Variants in PRKG1 observed in about 807,000 individuals in gnomAD.
The protein encoded by PRKG1 is protein kinase cGMP-dependent 1, also known as cGMP-dependent protein kinase 1.
PRKG1 carries 35 observed loss-of-function variants against 88.1 expected under a neutral mutation model. The ratio of observed to expected loss-of-function variants is 0.40; its 90% CI spans 0.30 to 0.53. The LOEUF (loss-of-function observed/expected upper bound fraction) is 0.53. Among genes scored for constraint, PRKG1 ranks in the 20% least tolerant of loss-of-function variants. The probability of loss-of-function intolerance (pLI) is 0.59; values close to 1 mark genes in which losing one functional copy is unlikely to be tolerated. For synonymous variants in PRKG1, 303 were observed against 292.5 expected, an observed-to-expected ratio of 1.04 and a Z score of -0.37; for missense variants, 540 against 839.8, an observed-to-expected ratio of 0.64 and a Z score of 4.41.
rs559323583 is a variant in PRKG1, at chr10:51,344,101, G to T, written c.479-123622G>T. 1.7e-3 allele frequency among the ~76,000 whole-genome samples: 261 copies of T among 152,266 alleles called. 2 individuals carry two copies. Among genetic ancestry groups the T allele is most frequent in the African/African-American group, 6.0e-3 (251 of 41,544 alleles). ...ACTGGGTAATTTATAAAGAAAAGAGGTTTAACTTGCTCATGGTTCTGCAGG... is the reference window on the plus strand; with the variant it reads ...ACTGGGTAATTTATAAAGAAAAGAGTTTTAACTTGCTCATGGTTCTGCAGG... On this transcript the variant is annotated intron_variant, in intron 2 of 17. Coordinates refer to ENST00000373980, the MANE Select transcript of PRKG1 (RefSeq NM_006258.4).
At chr10:52,220,261 G>A (rs1394338051) in intron 9 of PRKG1, among the ~76,000 whole-genome samples, 2 of 152,074 alleles carry the variant, frequency 1.3e-5, no homozygotes, top group Non-Finnish European at 2.9e-5. Context: ...CTATCATGAA[G>A]ACACTTAGGC....
chr10:51,720,715 A>C (rs1307861538), intron 3 of PRKG1, among the ~76,000 whole-genome samples: 1 of 152,220 alleles, frequency 6.6e-6, no homozygotes, highest in Admixed American at 6.5e-5. Context: ...AAAATTAGCA[A>C]GTGACACAGC....
At chr10:51,300,567 G>A (rs898642118) in intron 2 of PRKG1, among the ~76,000 whole-genome samples, 2 of 152,162 alleles carry the variant, frequency 1.3e-5, no homozygotes, top group African/African-American at 2.4e-5. Flanking sequence ...TTACTCTTGA[G>A]TGTGGTTTAC....
chr10:51,782,586 T>C (rs908298510), intron 3 of PRKG1, among the ~76,000 whole-genome samples: 2 of 152,122 alleles, frequency 1.3e-5, no homozygotes, highest in Non-Finnish European at 2.9e-5. Context: ...TCAAATCTCA[T>C]CTTGAATTGT....
At chr10:52,054,394 A>G (rs1257076769) in intron 5 of PRKG1, 90 bp from the exon 6 acceptor site, 11 of 890,716 alleles carry the variant, frequency 1.2e-5, no homozygotes, top group African/African-American at 5.0e-5. Context: ...TAGGATGAAT[A>G]TATCCCTGGG....
intron 2 of PRKG1, among the ~76,000 whole-genome samples, chr10:51,357,234 T>C (rs889876011): frequency 3.3e-5 from 5 of 152,014 alleles, no homozygotes; most frequent in African/African-American, 1.2e-4. Context: ...CTTAGCAGTC[T>C]CTTTCTGAGG....
In PRKG1 at chr10:51,479,711, G is replaced by T. The variant is rs569420792; in HGVS notation, c.592+11875G>T. Among the ~76,000 whole-genome samples, 16 of 152,080 alleles carry T rather than the reference G, an allele frequency of 1.1e-4. No individual in the cohort carries two copies. In the South Asian group the frequency reaches 3.3e-3, roughly 32 times the overall value. On this transcript the variant is annotated intron_variant, in intron 3 of 17. Transcript: ENST00000373980. ...TGTATTGATGTTTCATGAATACTTT[G>T]AATTGGAAGCTGTTATGCATGCCCT...
chr10:51,415,910 A>AAT (rs1554806516), intron 2 of PRKG1, among the ~76,000 whole-genome samples: 1 of 147,128 alleles, frequency 6.8e-6, no homozygotes, highest in Non-Finnish European at 1.5e-5. Context: ...TAGAGCTTCC[A>AAT]GTGTGTGTGT....
chr10:52,199,387 C>G (rs780982701), intron 9 of PRKG1, among the ~76,000 whole-genome samples: 20 of 152,132 alleles, frequency 1.3e-4, no homozygotes, highest in Non-Finnish European at 2.2e-4. Flanking sequence ...ACTCAAAGAT[C>G]ATACTTGCTA....
intron 4 of PRKG1, among the ~76,000 whole-genome samples, chr10:51,811,177 C>A (rs921978319): frequency 6.6e-6 from 1 of 152,164 alleles, no homozygotes; most frequent in African/African-American, 2.4e-5. Context: ...CTGATGGCAG[C>A]TCCCTACTAC....
chr10:51,387,026 T>G (rs1361373099), intron 2 of PRKG1, among the ~76,000 whole-genome samples: 1 of 152,184 alleles, frequency 6.6e-6, no homozygotes, highest in East Asian at 1.9e-4. Flanking sequence ...ATTTAAAAAA[T>G]AATACATATT....
At chr10:51,660,161 T>G (rs947958479) in intron 3 of PRKG1, among the ~76,000 whole-genome samples, 8 of 150,138 alleles carry the variant, frequency 5.3e-5, no homozygotes, top group African/African-American at 2.0e-4. Flanking sequence ...CAGAGATGGT[T>G]TCTGGGATCA....
chr10:51,569,463 T>C (rs947646354), intron 3 of PRKG1, among the ~76,000 whole-genome samples: 19 of 152,178 alleles, frequency 1.2e-4, no homozygotes, highest in African/African-American at 4.3e-4. Flanking sequence ...GGTTAAATAA[T>C]GAACTATAAT....
intron 9 of PRKG1, among the ~76,000 whole-genome samples, chr10:52,239,887 C>T (rs977141183): frequency 6.6e-6 from 1 of 152,088 alleles, no homozygotes; most frequent in African/African-American, 2.4e-5. Flanking sequence ...CTCTTCACTC[C>T]TGTGATTTGT....
At chr10:51,868,658 TG>T (rs1841079736) in intron 4 of PRKG1, among the ~76,000 whole-genome samples, 1 of 152,076 alleles carries the variant, frequency 6.6e-6, no homozygotes, top group Admixed American at 6.6e-5. Context: ...GATTCTTCTT[TG>T]TGCCAACATA....
At position 52,133,909 on chromosome 10, in the gene PRKG1, A is replaced by G; in HGVS notation, c.1001+4A>G. On this transcript the variant is annotated splice_donor_region_variant and intron_variant, in intron 8 of 17. Transcript: ENST00000373980. The stretch of plus-strand genomic sequence containing the variant: ...CCTGCCTTGTGATTGACAGAGAGTA[A>G]GTACATTGTTTTATTATGTGAATTA... The G allele has an allele frequency of 6.2e-7, 1 of 1,610,944 alleles. No individual in the cohort carries two copies. Among genetic ancestry groups the G allele is most frequent in the Non-Finnish European group, 8.5e-7 (1 of 1,177,542 alleles).
intron 2 of PRKG1, among the ~76,000 whole-genome samples, chr10:51,437,764 A>T (rs1160543289): frequency 6.6e-6 from 1 of 150,976 alleles, no homozygotes; most frequent in Non-Finnish European, 1.5e-5. Context: ...AACAGAGGTG[A>T]CCTGCCTCTT....
intron 1 of PRKG1, among the ~76,000 whole-genome samples, chr10:51,088,093 C>T (rs1844301001): frequency 6.6e-6 from 1 of 152,162 alleles, no homozygotes; most frequent in African/African-American, 2.4e-5. Context: ...TTAAACACAA[C>T]TACATATACC....
chr10:52,068,800 T>C (rs11000677), intron 7 of PRKG1, among the ~76,000 whole-genome samples: 26,349 of 152,186 alleles, frequency 0.17, 2,886 homozygotes, highest in South Asian at 0.28. Context: ...TGATTGACTT[T>C]CAGCAAGCCA....
Sources: gnomAD v4.1 joint callset for allele counts (sites outside exome capture counted in the v4.1 genomes callset) on GRCh38, gnomAD v4.1.1 for gene constraint, MANE v1.5 for transcripts, NCBI Gene and HGNC (gene_info 2026-07-23, HGNC 2026-07-21) for gene names.